PLCL1: variants seen among roughly 807,000 people sequenced by gnomAD.
The protein encoded by PLCL1 is phospholipase C like 1 (inactive), also known as inactive phospholipase C-like protein 1.
Under a neutral mutation model 84.4 loss-of-function variants are expected in PLCL1, and 41 were observed. The observed-to-expected ratio is 0.49, with a 90% CI of 0.38 to 0.63. PLCL1 has a LOEUF of 0.63. PLCL1 is among the 30% of genes least tolerant of loss of function. The pLI is 0.00. For synonymous variants in PLCL1, 490 were observed against 488.3 expected, an observed-to-expected ratio of 1.00 and a Z score of -0.05; for missense variants, 1,206 against 1,367.8, an observed-to-expected ratio of 0.88 and a Z score of 1.87.
chr2:198,028,818 C>A (rs1293042674), intron 1 of PLCL1, among the ~76,000 whole-genome samples: 2 of 152,264 alleles, frequency 1.3e-5, no homozygotes, highest in East Asian at 3.9e-4. Context: ...TTGGCCCATT[C>A]GTACAAATGA....
chr2:197,939,282 C>A (rs1176869738), intron 1 of PLCL1, among the ~76,000 whole-genome samples: 1 of 152,236 alleles, frequency 6.6e-6, no homozygotes, highest in African/African-American at 2.4e-5. Flanking sequence ...TGTCTCTTAA[C>A]CCTGAATGCA....
chr2:197,999,714 T>C (rs1321072645), intron 1 of PLCL1, among the ~76,000 whole-genome samples: 1 of 152,202 alleles, frequency 6.6e-6, no homozygotes, highest in East Asian at 1.9e-4. Context: ...GCATCTGCCT[T>C]AGTGCAGATT....
rs149554265 is a variant in PLCL1 at position 197,813,791 on chromosome 2, C to T, written c.240+8452C>T. Among the ~76,000 whole-genome samples, 1,122 of 152,178 alleles carry T rather than the reference C, an allele frequency of 7.4e-3. 17 individuals carry two copies. Among genetic ancestry groups the T allele is most frequent in the African/African-American group, 0.026 (1,065 of 41,524 alleles). ...TGCCTAAGGTCACATAGCTAATAAACGCAGAGCCAAGAAGTAGGTCCAAAT... is the reference window on the plus strand; with the variant it reads ...TGCCTAAGGTCACATAGCTAATAAATGCAGAGCCAAGAAGTAGGTCCAAAT... On this transcript the variant is annotated intron_variant, in intron 1 of 5. Transcript: ENST00000428675.
chr2:197,915,922 A>C (rs1688591150), intron 1 of PLCL1, among the ~76,000 whole-genome samples: 1 of 152,176 alleles, frequency 6.6e-6, no homozygotes, highest in Non-Finnish European at 1.5e-5. Flanking sequence ...TCAGAGGACA[A>C]TAGGAGAAAT....
intron 1 of PLCL1, among the ~76,000 whole-genome samples, chr2:198,046,863 A>C (rs1170055921): frequency 6.6e-6 from 1 of 152,030 alleles, no homozygotes; most frequent in Non-Finnish European, 1.5e-5. Flanking sequence ...AAAACAAAAA[A>C]CCAAAACCTT....
At chr2:198,031,641 C>T in intron 1 of PLCL1, among the ~76,000 whole-genome samples, 1 of 148,442 alleles carries the variant, frequency 6.7e-6, no homozygotes, top group East Asian at 2.0e-4. Context: ...AGGTATGAGC[C>T]ACCGTGAATG....
chr2:198,052,865 C>T (rs1397039171), intron 1 of PLCL1, among the ~76,000 whole-genome samples: 1 of 152,170 alleles, frequency 6.6e-6, no homozygotes, highest in African/African-American at 2.4e-5. Context: ...GTACCTCCCC[C>T]TTCATTCCTA....
chr2:197,979,945 G>T (rs970078930), intron 1 of PLCL1, among the ~76,000 whole-genome samples: 2 of 152,142 alleles, frequency 1.3e-5, no homozygotes, highest in African/African-American at 4.8e-5. Context: ...GTTAAAAAGT[G>T]CTGGGAATTA....
Position 197,805,789 on chromosome 2 carries a change from A to G in PLCL1, c.240+450A>G, listed in dbSNP as rs1690462477. Reference sequence around the variant, plus strand: ...ATCCCTCTAGACTTAAATGATCCCGAAATCCCAAGATGTGTGAACTTTCCC... The same window carrying G: ...ATCCCTCTAGACTTAAATGATCCCGGAATCCCAAGATGTGTGAACTTTCCC... On this transcript the variant is annotated intron_variant, in intron 1 of 5. Transcript: ENST00000428675. The surrounding 1 kb of genome is among the most constrained non-coding windows in gnomAD (Gnocchi z 4.0). 6.6e-6 allele frequency among the ~76,000 whole-genome samples: 1 copy of G among 152,240 alleles called. No individual in the cohort carries two copies.
intron 1 of PLCL1, among the ~76,000 whole-genome samples, chr2:197,810,692 TA>T (rs2106414042): frequency 6.6e-6 from 1 of 152,386 alleles, no homozygotes; most frequent in Admixed American, 6.5e-5. Context: ...TAACTGCTTC[TA>T]GGCAATGCCA....
At chr2:198,027,401 G>A (rs145667663) in intron 1 of PLCL1, among the ~76,000 whole-genome samples, 5 of 152,048 alleles carry the variant, frequency 3.3e-5, no homozygotes, top group Non-Finnish European at 5.9e-5. Context: ...AATTTAGTTA[G>A]GAGGAAAACG....
intron 1 of PLCL1, among the ~76,000 whole-genome samples, chr2:197,924,144 G>T (rs1301061850): frequency 4.1e-4 from 51 of 123,896 alleles, no homozygotes; most frequent in African/African-American, 1.2e-3. Context: ...GTGGGGAGAG[G>T]GAGAGGGAGA....
At chr2:197,989,297 A>G (rs560623470) in intron 1 of PLCL1, among the ~76,000 whole-genome samples, 1 of 152,310 alleles carries the variant, frequency 6.6e-6, no homozygotes, top group African/African-American at 2.4e-5. Context: ...GAGATAAAAA[A>G]GGAAGACATG....
chr2:198,046,424 C>T (rs535198714), intron 1 of PLCL1, among the ~76,000 whole-genome samples: 13 of 152,264 alleles, frequency 8.5e-5, no homozygotes, highest in Admixed American at 2.6e-4. Flanking sequence ...CAGCTCCCAG[C>T]GTGAGCGACG....
intron 1 of PLCL1, among the ~76,000 whole-genome samples, chr2:198,039,927 T>G (rs960596593): frequency 6.6e-6 from 1 of 152,214 alleles, no homozygotes; most frequent in Admixed American, 6.5e-5. Flanking sequence ...GAGAACATGT[T>G]ATTTGCTAGA....
chr2:197,830,117 CA>C (rs1347769564), intron 1 of PLCL1, among the ~76,000 whole-genome samples: 2 of 151,942 alleles, frequency 1.3e-5, no homozygotes, highest in Non-Finnish European at 2.9e-5. Flanking sequence ...CCTTCTCCTC[CA>C]AAGGATCACA....
intron 1 of PLCL1, among the ~76,000 whole-genome samples, chr2:197,951,880 G>T (rs1312351730): frequency 6.6e-6 from 1 of 152,154 alleles, no homozygotes; most frequent in Non-Finnish European, 1.5e-5. Flanking sequence ...GATTGATTGA[G>T]TGATTTATTG....
At chr2:197,866,193 C>CTATA (rs202235452) in intron 1 of PLCL1, among the ~76,000 whole-genome samples, 1 of 81,984 alleles carries the variant, frequency 1.2e-5, no homozygotes, top group East Asian at 2.6e-4. Context: ...TATATATAAA[C>CTATA]TATATATATA....
rs111452847 is a variant in PLCL1, at chr2:198,052,121, A to G, written c.241-31637A>G. 6.0e-3 allele frequency among the ~76,000 whole-genome samples: 920 copies of G among 152,328 alleles called. 13 individuals carry two copies. Among genetic ancestry groups the G allele is most frequent in the African/African-American group, 0.021 (874 of 41,578 alleles). On this transcript the variant is annotated intron_variant, in intron 1 of 5. Transcript: ENST00000428675. ...GAGACAGGGTTTCTCCATGTTGGCCAGGCTGGTCTCGAACTCCCTACCTCA... is the reference window on the plus strand; with the variant it reads ...GAGACAGGGTTTCTCCATGTTGGCCGGGCTGGTCTCGAACTCCCTACCTCA...
Sources: gnomAD v4.1 joint callset for allele counts (sites outside exome capture counted in the v4.1 genomes callset) on GRCh38, gnomAD v4.1.1 for gene constraint, Gnocchi (gnomAD v3.1) non-coding constraint, MANE v1.5 for transcripts, NCBI Gene and HGNC (gene_info 2026-07-23, HGNC 2026-07-21) for gene names.